Variants in PLEKHM3 observed in about 807,000 individuals in gnomAD.
PLEKHM3 encodes pleckstrin homology domain-containing family M member 3.
Under a neutral mutation model 81.8 loss-of-function variants are expected in PLEKHM3, and 45 were observed. The ratio of observed to expected loss-of-function variants is 0.55; its 90% CI spans 0.43 to 0.71. PLEKHM3 has a LOEUF of 0.71. Ranked by LOEUF, PLEKHM3 falls within the 30% of genes least tolerant of loss-of-function variation. PLEKHM3 has a pLI of 0.00. For missense variants in PLEKHM3, 788 were observed against 924.3 expected (o/e 0.85, Z 1.91); for synonymous variants, 352 against 356.4 (o/e 0.99, Z 0.14).
chr2:208,011,820 G>A (rs185455548), intron 1 of PLEKHM3, among the ~76,000 whole-genome samples: 62 of 105,502 alleles, frequency 5.9e-4, no homozygotes, highest in African/African-American at 2.4e-3. Flanking sequence ...TTTTTGAGAC[G>A]GAGCTTCACT....
chr2:207,866,068 A>G (rs2092499065), intron 6 of PLEKHM3, among the ~76,000 whole-genome samples: 1 of 151,710 alleles, frequency 6.6e-6, no homozygotes, highest in African/African-American at 2.4e-5. Context: ...TCTAGATGTC[A>G]GTCTTTTTTC....
At chr2:207,867,354 T>C (rs1172319424) in intron 6 of PLEKHM3, among the ~76,000 whole-genome samples, 1 of 152,178 alleles carries the variant, frequency 6.6e-6, no homozygotes, top group Non-Finnish European at 1.5e-5. Context: ...GCTGCTGGAA[T>C]TTTTTTATCC....
intron 1 of PLEKHM3, among the ~76,000 whole-genome samples, chr2:208,023,504 G>A (rs1209045982): frequency 6.6e-6 from 1 of 152,104 alleles, no homozygotes; most frequent in African/African-American, 2.4e-5. Flanking sequence ...AACAGTGAGC[G>A]ATGGACCAGC....
intron 2 of PLEKHM3, among the ~76,000 whole-genome samples, chr2:207,995,518 G>A (rs1559275326): frequency 1.3e-5 from 2 of 152,128 alleles, no homozygotes; most frequent in Non-Finnish European, 2.9e-5. Flanking sequence ...GCCTGGACTC[G>A]GAGGAAGACT....
intron 5 of PLEKHM3, among the ~76,000 whole-genome samples, chr2:207,924,740 T>C (rs1323277164): frequency 6.6e-6 from 1 of 152,062 alleles, no homozygotes; most frequent in East Asian, 1.9e-4. Context: ...CCAAGTGCCC[T>C]GAGAAAGGGG....
chr2:208,000,927 AT>A, intron 2 of PLEKHM3, 102 bp downstream of exon 2: 2 of 1,120,002 alleles, frequency 1.8e-6, no homozygotes, highest in Non-Finnish European at 2.4e-6. Context: ...AAAACCAACA[AT>A]GATTCAGTAG....
At chr2:208,006,128 G>C (rs1045603390) in intron 1 of PLEKHM3, among the ~76,000 whole-genome samples, 9 of 152,008 alleles carry the variant, frequency 5.9e-5, no homozygotes, top group Non-Finnish European at 1.2e-4. Flanking sequence ...TAAATACTCT[G>C]TCTTCATTCT....
intron 7 of PLEKHM3, among the ~76,000 whole-genome samples, chr2:207,856,384 C>A (rs896090940): frequency 7.2e-5 from 11 of 152,144 alleles, no homozygotes; most frequent in Admixed American, 5.2e-4. Flanking sequence ...TAGATTCTGA[C>A]AAATGTATAA....
At chr2:207,833,020 G>A (rs549582119) in intron 7 of PLEKHM3, among the ~76,000 whole-genome samples, 1 of 149,488 alleles carries the variant, frequency 6.7e-6, no homozygotes, top group Non-Finnish European at 1.5e-5. Context: ...GCTAAGGCAC[G>A]AGAATCGCTG....
intron 3 of PLEKHM3, among the ~76,000 whole-genome samples, chr2:207,951,804 T>G (rs372313848): frequency 6.6e-6 from 1 of 152,214 alleles, no homozygotes; most frequent in African/African-American, 2.4e-5. Flanking sequence ...TGGCTGCAGT[T>G]GTTGTTACTG....
At chr2:207,880,717 C>A (rs1415093761) in intron 6 of PLEKHM3, among the ~76,000 whole-genome samples, 1 of 123,878 alleles carries the variant, frequency 8.1e-6, no homozygotes, top group Admixed American at 9.9e-5. Flanking sequence ...GAGCCGAGAT[C>A]GTGCCACTGC....
chr2:207,923,855 G>GCACGCA (rs1553554991), intron 5 of PLEKHM3, among the ~76,000 whole-genome samples: 2 of 18,896 alleles, frequency 1.1e-4, no homozygotes, highest in South Asian at 3.2e-3. Flanking sequence ...ACACACGCAC[G>GCACGCA]CACACACACA....
chr2:208,001,472 G>T lies in PLEKHM3; in HGVS notation c.168C>A (p.Asp56Glu), dbSNP rs1255129859. Reference protein sequence around the residue: ...VGHEVLSNITDNGAMRNVTSL... With the variant: ...VGHEVLSNITENGAMRNVTSL... ...AGGTGACATTTCTCATAGCACCATTGTCTGTTATGTTACTGAGTACCTCAT... is the reference window on the plus strand; with the variant it reads ...AGGTGACATTTCTCATAGCACCATTTTCTGTTATGTTACTGAGTACCTCAT... The change falls in exon 2 of 8, where the codon GAC (aspartate) becomes GAA (glutamate). Residue 56 changes from aspartate to glutamate, a missense_variant. Transcript: ENST00000427836. 6 of 1,614,048 alleles carry T rather than the reference G, an allele frequency of 3.7e-6. No homozygotes were observed. The highest frequency in any genetic ancestry group is 2.2e-5 in the East Asian group (1 of 44,896).
At position 207,977,641 on chromosome 2, in the gene PLEKHM3, G is replaced by A. The variant is rs184634820; in HGVS notation, c.611-55C>T. 38 of 1,472,840 alleles carry A rather than the reference G, an allele frequency of 2.6e-5. No homozygotes were observed. The Admixed American group carries it at 4.1e-4, about 16-fold the overall frequency. The allele number at this position is 1,472,840 out of a possible 1,614,324, so 91.2% of individuals were successfully genotyped here. A position where few individuals can be genotyped will look rare whatever the true frequency, so the allele number is the denominator to read the frequency against. On this transcript the variant is annotated intron_variant, in intron 2 of 7. Transcript: ENST00000427836. Reference sequence around the variant, plus strand: ...ATTAGAATTAGTTATAAGAAGGCAGGCACAAGAAACCACACAGATCAGGGC... The same window carrying A: ...ATTAGAATTAGTTATAAGAAGGCAGACACAAGAAACCACACAGATCAGGGC...
At chr2:207,940,019 G>A (rs1390267734) in intron 4 of PLEKHM3, among the ~76,000 whole-genome samples, 2 of 152,196 alleles carry the variant, frequency 1.3e-5, no homozygotes, top group African/African-American at 4.8e-5. Context: ...GGGAACATCT[G>A]GTGAGTGTGA....
intron 6 of PLEKHM3, among the ~76,000 whole-genome samples, chr2:207,890,567 G>T (rs2105870193): frequency 6.6e-6 from 1 of 152,284 alleles, no homozygotes. Flanking sequence ...GGTGGAGGTT[G>T]CAGTGAGCCA....
At chr2:207,920,226 T>C (rs72966906) in intron 5 of PLEKHM3, among the ~76,000 whole-genome samples, 1 of 152,328 alleles carries the variant, frequency 6.6e-6, no homozygotes, top group Non-Finnish European at 1.5e-5. Context: ...AGTCAAGGAC[T>C]AAACCTGACA....
intron 3 of PLEKHM3, among the ~76,000 whole-genome samples, chr2:207,950,231 C>T (rs1690284732): frequency 6.6e-6 from 1 of 152,182 alleles, no homozygotes; most frequent in Admixed American, 6.5e-5. Context: ...GCTGAAATCA[C>T]CCTAATGACC....
chr2:208,021,739 A>C (rs1008222935), intron 1 of PLEKHM3, among the ~76,000 whole-genome samples: 1 of 152,264 alleles, frequency 6.6e-6, no homozygotes, highest in African/African-American at 2.4e-5. Flanking sequence ...GGAAAAAAGC[A>C]CTGCCCCGTT....
Sources: allele counts gnomAD v4.1 joint callset (sites outside exome capture counted in the v4.1 genomes callset), GRCh38; gene constraint gnomAD v4.1.1; transcripts MANE v1.5; gene names NCBI Gene and HGNC (gene_info 2026-07-23, HGNC 2026-07-21).